PLEKHA5: variants seen among roughly 807,000 people sequenced by gnomAD.
PLEKHA5 encodes the protein pleckstrin homology domain containing A5.
In PLEKHA5, 55 loss-of-function variants were observed where a neutral mutation model predicts 181.9. That is an observed-to-expected ratio of 0.30 (90% CI 0.24 to 0.38). The LOEUF is 0.38. Ranked by LOEUF, PLEKHA5 falls within the 10% of genes least tolerant of loss-of-function variation. PLEKHA5 has a pLI of 1.00. For synonymous variants in PLEKHA5, 535 were observed against 529.4 expected, an observed-to-expected ratio of 1.01 and a Z score of -0.15; for missense variants, 1,432 against 1,549.5, an observed-to-expected ratio of 0.92 and a Z score of 1.27.
At chr12:19,296,007 G>A (rs1409664836) in intron 15 of PLEKHA5, among the ~76,000 whole-genome samples, 1 of 152,174 alleles carries the variant, frequency 6.6e-6, no homozygotes. Flanking sequence ...CAAGGCAGGT[G>A]CATCACCTGA....
chr12:19,287,599 G>A, intron 13 of PLEKHA5, 43 bp downstream of exon 13: 2 of 1,080,378 alleles, frequency 1.9e-6, no homozygotes, highest in Non-Finnish European at 2.8e-6. Flanking sequence ...TTATTTATGT[G>A]CTGCACAGGA....
intron 3 of PLEKHA5, among the ~76,000 whole-genome samples, chr12:19,236,661 A>C (rs1246568197): frequency 2.6e-5 from 4 of 152,176 alleles, no homozygotes; most frequent in Non-Finnish European, 1.5e-5. Flanking sequence ...ATACTCAGTA[A>C]ACGTTTTCTT....
intron 31 of PLEKHA5, among the ~76,000 whole-genome samples, chr12:19,374,276 T>C (rs886849957): frequency 1.3e-5 from 2 of 149,784 alleles, no homozygotes; most frequent in African/African-American, 4.9e-5. Context: ...TTTAATAGAG[T>C]GAAAACAGAG....
intron 3 of PLEKHA5, among the ~76,000 whole-genome samples, chr12:19,158,307 C>A (rs530422664): frequency 6.6e-6 from 1 of 151,748 alleles, no homozygotes; most frequent in African/African-American, 2.4e-5. Flanking sequence ...GAGCCGAGAT[C>A]GCACCACTGC....
At chr12:19,284,615 A>G (rs1318583217) in intron 12 of PLEKHA5, among the ~76,000 whole-genome samples, 3 of 152,192 alleles carry the variant, frequency 2.0e-5, no homozygotes, top group South Asian at 2.1e-4. Context: ...TTGTATATTA[A>G]GTTGGTTTAA....
intron 25 of PLEKHA5, among the ~76,000 whole-genome samples, chr12:19,349,931 T>G (rs1175308554): frequency 6.6e-6 from 1 of 151,846 alleles, no homozygotes; most frequent in Non-Finnish European, 1.5e-5. Flanking sequence ...GCTAACATGG[T>G]GAAACCCTGT....
chr12:19,192,398 A>G (rs1384142266), intron 3 of PLEKHA5, among the ~76,000 whole-genome samples: 1 of 152,182 alleles, frequency 6.6e-6, no homozygotes, highest in Non-Finnish European at 1.5e-5. Context: ...TTATAAGAAT[A>G]GAAAATAATT....
At chr12:19,149,216 A>G (rs2039719507) in intron 3 of PLEKHA5, among the ~76,000 whole-genome samples, 1 of 152,188 alleles carries the variant, frequency 6.6e-6, no homozygotes, top group African/African-American at 2.4e-5. Context: ...CTCTATGACA[A>G]ACCATTCAAA....
At chr12:19,337,707 G>A (rs2093559697) in intron 21 of PLEKHA5, among the ~76,000 whole-genome samples, 1 of 152,080 alleles carries the variant, frequency 6.6e-6, no homozygotes, top group Admixed American at 6.6e-5. Context: ...GGACTTAACA[G>A]ACAGATCAAT....
chr12:19,286,490 T>A (rs190307453), intron 12 of PLEKHA5, among the ~76,000 whole-genome samples: 1 of 152,246 alleles, frequency 6.6e-6, no homozygotes, highest in Admixed American at 6.5e-5. Flanking sequence ...CTTCACATAC[T>A]TCCACTAAAA....
chr12:19,270,141 G>A, intron 9 of PLEKHA5, 47 bp from the exon 10 acceptor site: 1 of 1,240,186 alleles, frequency 8.1e-7, no homozygotes, highest in Non-Finnish European at 1.1e-6. Context: ...GTACTGGGGT[G>A]AATCCAGAAT....
At chr12:19,214,953 G>A (rs898506704) in intron 3 of PLEKHA5, among the ~76,000 whole-genome samples, 1 of 152,040 alleles carries the variant, frequency 6.6e-6, no homozygotes, top group Non-Finnish European at 1.5e-5. Context: ...CGAGGTGGGC[G>A]GATCACCTGA....
chr12:19,349,076 T>C (rs2094466371), intron 25 of PLEKHA5, among the ~76,000 whole-genome samples: 1 of 139,728 alleles, frequency 7.2e-6, no homozygotes, highest in African/African-American at 2.5e-5. Context: ...TTTTTCTGTT[T>C]CTGGTGGTTG....
At chr12:19,296,690 T>C (rs1329788696) in intron 15 of PLEKHA5, among the ~76,000 whole-genome samples, 1 of 152,218 alleles carries the variant, frequency 6.6e-6, no homozygotes, top group East Asian at 1.9e-4. Flanking sequence ...TTTCTAGTTC[T>C]TGGCTCCTGT....
intron 10 of PLEKHA5, among the ~76,000 whole-genome samples, 195 bp from the exon 11 acceptor site, chr12:19,274,321 C>G (rs1271544548): frequency 6.6e-6 from 1 of 152,172 alleles, no homozygotes; most frequent in East Asian, 1.9e-4. Context: ...TTCCCCCTTT[C>G]TGTTTATACA....
chr12:19,273,719 G>C (rs774827625), intron 10 of PLEKHA5, among the ~76,000 whole-genome samples: 1 of 152,132 alleles, frequency 6.6e-6, no homozygotes, highest in Admixed American at 6.5e-5. Context: ...TGCTGTTAAC[G>C]AGCTCATTCT....
intron 3 of PLEKHA5, among the ~76,000 whole-genome samples, chr12:19,211,200 A>ACCCCGC (rs2056826932): frequency 6.6e-6 from 1 of 152,246 alleles, no homozygotes; most frequent in East Asian, 1.9e-4. Context: ...TATAACACAT[A>ACCCCGC]CCCTGCCCCC....
At chr12:19,188,637 T>A (rs1169056713) in intron 3 of PLEKHA5, among the ~76,000 whole-genome samples, 1 of 152,234 alleles carries the variant, frequency 6.6e-6, no homozygotes, top group East Asian at 1.9e-4. Context: ...CCATGATGCT[T>A]GTTTACCTTT....
At chr12:19,202,481 G>T (rs1169404009) in intron 3 of PLEKHA5, among the ~76,000 whole-genome samples, 1 of 152,012 alleles carries the variant, frequency 6.6e-6, no homozygotes, top group Non-Finnish European at 1.5e-5. Flanking sequence ...TTACAGACTG[G>T]CTCCACTGAC....
Sources: gnomAD v4.1 joint callset for allele counts (sites outside exome capture counted in the v4.1 genomes callset) on GRCh38, gnomAD v4.1.1 for gene constraint, MANE v1.5 for transcripts, NCBI Gene and HGNC (gene_info 2026-07-23, HGNC 2026-07-21) for gene names.